Variants in EBF1 observed in about 807,000 individuals in gnomAD.
EBF1 encodes the protein EBF transcription factor 1.
EBF1 carries 10 observed loss-of-function variants against 68.4 expected under a neutral mutation model. The ratio of observed to expected loss-of-function variants is 0.15; its 90% CI spans 0.09 to 0.25. The LOEUF is 0.25. Among genes scored for constraint, EBF1 ranks in the 10% least tolerant of loss-of-function variants. The pLI, the probability that EBF1 is intolerant of heterozygous loss-of-function variation, is 1.00. For missense variants in EBF1, 509 were observed against 794.4 expected (o/e 0.64, Z 4.32); for synonymous variants, 298 against 299.8 (o/e 0.99, Z 0.06).
intron 6 of EBF1, among the ~76,000 whole-genome samples, chr5:158,906,373 A>G (rs1271871653): frequency 6.6e-6 from 1 of 152,102 alleles, no homozygotes; most frequent in Non-Finnish European, 1.5e-5. Context: ...CCAATCATAC[A>G]TACAAAAAAA....
chr5:158,759,811 G>A (rs1016795197), intron 10 of EBF1, among the ~76,000 whole-genome samples: 1 of 151,858 alleles, frequency 6.6e-6, no homozygotes, highest in African/African-American at 2.4e-5. Context: ...CAGGTGTCTT[G>A]GGGGCAAGAA....
At chr5:158,770,378 C>T (rs966935804) in intron 10 of EBF1, among the ~76,000 whole-genome samples, 1 of 152,138 alleles carries the variant, frequency 6.6e-6, no homozygotes, top group African/African-American at 2.4e-5. Flanking sequence ...AGAGGCCTTC[C>T]AAGATACATT....
At chr5:159,001,516 TCA>T (rs1762541140) in intron 6 of EBF1, among the ~76,000 whole-genome samples, 1 of 152,280 alleles carries the variant, frequency 6.6e-6, no homozygotes, top group South Asian at 2.1e-4. Flanking sequence ...CCTCTGAGCC[TCA>T]GTTTGCTTAT....
intron 6 of EBF1, among the ~76,000 whole-genome samples, chr5:158,902,280 A>C (rs957198043): frequency 3.9e-5 from 6 of 152,216 alleles, no homozygotes; most frequent in Non-Finnish European, 7.3e-5. Context: ...CACACAATGC[A>C]ATCAAAACTC....
At chr5:158,915,821 G>A (rs1444822970) in intron 6 of EBF1, among the ~76,000 whole-genome samples, 1 of 152,178 alleles carries the variant, frequency 6.6e-6, no homozygotes, top group Non-Finnish European at 1.5e-5. Context: ...ATCTTTTCTA[G>A]AAACGGATGA....
chr5:159,003,460 GAA>G (rs11428979), intron 6 of EBF1, among the ~76,000 whole-genome samples: 198 of 143,814 alleles, frequency 1.4e-3, no homozygotes, highest in East Asian at 4.1e-3. Context: ...ACAACTGCAG[GAA>G]AAAAAAAAAA....
intron 8 of EBF1, 56 bp downstream of exon 8, chr5:158,823,120 C>A (rs747944847): frequency 2.4e-5 from 38 of 1,611,712 alleles, no homozygotes; most frequent in Middle Eastern, 3.3e-4. Context: ...AAGAAAGAAA[C>A]CAAATATATT....
chr5:158,874,846 A>G (rs1383982374), intron 6 of EBF1, among the ~76,000 whole-genome samples: 1 of 152,200 alleles, frequency 6.6e-6, no homozygotes, highest in Non-Finnish European at 1.5e-5. Context: ...GCAAAGTAAC[A>G]GGCCTCAGAG....
chr5:158,743,692 C>A (rs529303928), intron 10 of EBF1, among the ~76,000 whole-genome samples: 1 of 152,084 alleles, frequency 6.6e-6, no homozygotes, highest in Admixed American at 6.5e-5. Flanking sequence ...AGATGTAAGG[C>A]AATACGAAGA....
chr5:159,043,941 A>C (rs1010971911), intron 6 of EBF1, among the ~76,000 whole-genome samples: 2 of 152,238 alleles, frequency 1.3e-5, no homozygotes, highest in African/African-American at 4.8e-5. Flanking sequence ...GATAAATGAT[A>C]GTCATAATTG....
At chr5:158,699,258 T>G (rs1756255082) in intron 15 of EBF1, 116 bp from the exon 16 acceptor site, 3 of 1,047,598 alleles carry the variant, frequency 2.9e-6, no homozygotes, top group Non-Finnish European at 4.1e-6. Flanking sequence ...GTTCGACTAT[T>G]AGCCACAAAT....
At chr5:158,980,404 G>A (rs965260448) in intron 6 of EBF1, among the ~76,000 whole-genome samples, 1 of 152,162 alleles carries the variant, frequency 6.6e-6, no homozygotes, top group Non-Finnish European at 1.5e-5. Context: ...CAAAAGCTGT[G>A]CTTCCACCAC....
At chr5:158,744,957 T>A (rs1767221255) in intron 10 of EBF1, among the ~76,000 whole-genome samples, 1 of 152,198 alleles carries the variant, frequency 6.6e-6, no homozygotes, top group Non-Finnish European at 1.5e-5. Flanking sequence ...TTGAACTAAG[T>A]TAATGACTTA....
In EBF1 at chr5:158,861,330, C is replaced by T. The variant is rs142202048; in HGVS notation, c.555-21220G>A. 2.5e-3 allele frequency among the ~76,000 whole-genome samples: 350 copies of T among 139,302 alleles called. 3 individuals carry two copies. The highest frequency in any genetic ancestry group is 9.0e-3 in the African/African-American group (335 of 37,054). The allele number at this position is 139,302 out of a possible 152,430, so 91.4% of individuals were successfully genotyped here. ...GTAGAATGTTAAAAACAGCAGTAAC[C>T]GAATGTACACTCAATTTTTAGAGAC... On this transcript the variant is annotated intron_variant, in intron 6 of 15. Transcript: ENST00000313708.
intron 8 of EBF1, among the ~76,000 whole-genome samples, chr5:158,816,154 G>C (rs1369378531): frequency 2.0e-5 from 3 of 152,226 alleles, no homozygotes; most frequent in African/African-American, 4.8e-5. Flanking sequence ...GCCACAGAAG[G>C]GCTGTTGGCT....
At chr5:158,704,718 C>T (rs1167670201) in intron 15 of EBF1, among the ~76,000 whole-genome samples, 1 of 151,656 alleles carries the variant, frequency 6.6e-6, no homozygotes, top group Non-Finnish European at 1.5e-5. Context: ...ACTTTTGTGG[C>T]TCAAGCAAGA....
intron 6 of EBF1, among the ~76,000 whole-genome samples, chr5:159,056,393 CAG>C (rs199865317): frequency 0.017 from 2,605 of 152,264 alleles, 27 homozygotes; most frequent in Non-Finnish European, 0.026. Context: ...TACTCTGAAA[CAG>C]TACAGAAGCT....
chr5:159,089,609 T>C (rs1781270265), intron 4 of EBF1, among the ~76,000 whole-genome samples: 1 of 152,146 alleles, frequency 6.6e-6, no homozygotes, highest in African/African-American at 2.4e-5. Flanking sequence ...CTAATAGTTT[T>C]AACTCTTTGT....
intron 6 of EBF1, among the ~76,000 whole-genome samples, chr5:158,894,899 C>A (rs1414079690): frequency 6.6e-6 from 1 of 152,112 alleles, no homozygotes; most frequent in Admixed American, 6.6e-5. Flanking sequence ...TTTAAGAAGC[C>A]AGGTATGTTT....
Sources: allele counts gnomAD v4.1 joint callset (sites outside exome capture counted in the v4.1 genomes callset), GRCh38; gene constraint gnomAD v4.1.1; transcripts MANE v1.5; gene names NCBI Gene and HGNC (gene_info 2026-07-23, HGNC 2026-07-21).